Variants in TACC2 observed in about 807,000 individuals in gnomAD.
The protein encoded by TACC2 is transforming acidic coiled-coil-containing protein 2.
TACC2 carries 137 observed loss-of-function variants against 227.3 expected under a neutral mutation model. The ratio of observed to expected loss-of-function variants is 0.60; its 90% CI spans 0.52 to 0.69. The LOEUF is 0.69. Ranked by LOEUF, TACC2 falls within the 30% of genes least tolerant of loss-of-function variation. The probability of loss-of-function intolerance (pLI) is 0.00; values close to 1 mark genes in which losing one functional copy is unlikely to be tolerated. For missense variants in TACC2, 3,470 were observed against 3,694.4 expected (o/e 0.94, Z 1.57); for synonymous variants, 1,523 against 1,487.5 (o/e 1.02, Z -0.55).
intron 6 of TACC2, 118 bp from the exon 7 acceptor site, chr10:122,143,454 G>T (rs964141722): frequency 8.9e-7 from 1 of 1,127,546 alleles, no homozygotes; most frequent in South Asian, 1.5e-5. Flanking sequence ...AAGTGCTGGG[G>T]TTTAAAGAGT....
At chr10:122,041,949 T>A (rs904520499) in intron 2 of TACC2, among the ~76,000 whole-genome samples, 1 of 140,136 alleles carries the variant, frequency 7.1e-6, no homozygotes, top group African/African-American at 2.5e-5. Flanking sequence ...TCTTTTCTTT[T>A]TTCTTTTCTT....
chr10:122,112,844 C>T lies in TACC2; in HGVS notation c.5574-19765C>T, dbSNP rs537382803. 1.3e-3 allele frequency among the ~76,000 whole-genome samples: 202 copies of T among 152,200 alleles called. 1 individual carries two copies. Among genetic ancestry groups the T allele is most frequent in the Non-Finnish European group, 2.4e-3 (161 of 67,996 alleles). ...CGTCTCTCGCCTGCCGCTCTGCGGCCGCGGGCCCCTCGGTGCGTCTGGGCG... is the reference window on the plus strand; with the variant it reads ...CGTCTCTCGCCTGCCGCTCTGCGGCTGCGGGCCCCTCGGTGCGTCTGGGCG... On this transcript the variant is annotated intron_variant, in intron 5 of 22. Transcript: ENST00000369005.
chr10:122,088,245 C>A (rs1591848101), intron 4 of TACC2, among the ~76,000 whole-genome samples: 1 of 152,080 alleles, frequency 6.6e-6, no homozygotes, highest in Non-Finnish European at 1.5e-5. Context: ...TACTGGCTGG[C>A]TGTGTACTAT....
At chr10:122,052,988 C>T (rs1317535474) in intron 3 of TACC2, among the ~76,000 whole-genome samples, 2 of 152,204 alleles carry the variant, frequency 1.3e-5, no homozygotes, top group Non-Finnish European at 2.9e-5. Context: ...GGGTTCCAGA[C>T]ACTATGCCAA....
intron 21 of TACC2, among the ~76,000 whole-genome samples, 185 bp from the exon 22 acceptor site, chr10:122,249,358 GC>G (rs2096204455): frequency 1.3e-5 from 2 of 152,332 alleles, no homozygotes; most frequent in East Asian, 3.9e-4. Context: ...TGTCCAGGGT[GC>G]CCCGGCACCT....
chr10:121,999,506 C>T (rs1367397778), intron 1 of TACC2, among the ~76,000 whole-genome samples: 5 of 152,236 alleles, frequency 3.3e-5, no homozygotes, highest in African/African-American at 1.2e-4. Context: ...AAGCTCATCG[C>T]CACATGTGTT....
chr10:122,169,652 C>G (rs2093368455), intron 7 of TACC2, among the ~76,000 whole-genome samples: 1 of 152,194 alleles, frequency 6.6e-6, no homozygotes, highest in African/African-American at 2.4e-5. Flanking sequence ...TCTTTGTTTT[C>G]TGTTCTCTCT....
chr10:122,123,809 ATTTT>A lies in TACC2; in HGVS notation c.5574-8782_5574-8779del, dbSNP rs55702616. Among the ~76,000 whole-genome samples, 140 of 98,524 alleles carry A rather than the reference ATTTT, an allele frequency of 1.4e-3. 1 individual carries two copies. The highest frequency in any genetic ancestry group is 4.6e-3 in the African/African-American group (132 of 28,390). 64.6% of individuals were successfully genotyped at this position (98,524 alleles called of 152,430 possible). Reference sequence around the variant, plus strand: ...TCTTGAGTTGGGTTGCTGTAGAGTCATTTTTTTTTTTTTTTTTTTTTGAGGCGGA... The same window carrying A: ...TCTTGAGTTGGGTTGCTGTAGAGTCATTTTTTTTTTTTTTTTTGAGGCGGA... On this transcript the variant is annotated intron_variant, in intron 5 of 22. Transcript: ENST00000369005.
chr10:122,084,154 G>A lies in TACC2; in HGVS notation c.1654G>A (p.Gly552Arg). Residue 552 changes from glycine to arginine, a missense_variant, in exon 4 of 23, where the codon GGA (glycine) becomes AGA (arginine). Gly to Arg is a moderately radical substitution (Grantham distance 125). Around this residue, in one of 10 missense-constraint regions of TACC2, gnomAD observed 1,924 missense variants for 1,978.3 expected, o/e 0.97. Transcript: ENST00000369005. The part of the protein sequence containing the change: ...SARGPPGPTD[G>R]AKVHEDSTSP... ...CAGAGGGCCACCGGGGCCAACGGAT[G>A]GAGCCAAGGTCCATGAAGATTCCAC... 1.2e-6 allele frequency: 2 copies of A among 1,614,092 alleles called. No homozygotes were observed. The highest frequency in any genetic ancestry group is 2.2e-5 in the South Asian group (2 of 91,074).
chr10:121,998,773 G>A (rs760909957), intron 1 of TACC2, among the ~76,000 whole-genome samples: 11 of 152,238 alleles, frequency 7.2e-5, no homozygotes, highest in Middle Eastern at 3.4e-3. Context: ...CAGCCAAGCC[G>A]CTTACATCGG....
At position 122,143,524 on chromosome 10, in the gene TACC2, T is replaced by C. The variant is rs79781753; in HGVS notation, c.5700-48T>C. On this transcript the variant is annotated intron_variant, in intron 6 of 22. Transcript: ENST00000369005. ...TGAATGGGGCCTGATGAATGTGCCA[T>C]TAATGAGCCCAGCACCATGTGGAAT... is the stretch of plus-strand genomic sequence containing the variant. 1,039 of 1,591,350 alleles carry C rather than the reference T, an allele frequency of 6.5e-4. 14 individuals are homozygous for C. The East Asian group carries it at 0.02, about 31-fold the overall frequency.
At chr10:122,018,819 C>T (rs1234461336) in intron 1 of TACC2, among the ~76,000 whole-genome samples, 1 of 152,164 alleles carries the variant, frequency 6.6e-6, no homozygotes. Flanking sequence ...TCTGTTCCAA[C>T]CAGAAGCGGG....
intron 11 of TACC2, among the ~76,000 whole-genome samples, chr10:122,219,561 C>A (rs192240560): frequency 1.3e-3 from 199 of 152,294 alleles, no homozygotes; most frequent in African/African-American, 4.4e-3. Context: ...TTTGATCCTG[C>A]AGTGGGCATC....
chr10:122,168,577 C>T (rs1156362647), intron 7 of TACC2, among the ~76,000 whole-genome samples: 3 of 152,124 alleles, frequency 2.0e-5, no homozygotes, highest in African/African-American at 2.4e-5. Flanking sequence ...AAATATATTC[C>T]GAGGTCCTCC....
chr10:122,211,164 C>T lies in TACC2; in HGVS notation c.6739C>T (p.Pro2247Ser). The change falls in exon 9 of 23, where the codon CCA becomes TCA. Residue 2247 changes from proline to serine, a missense_variant. Around this residue, in one of 10 missense-constraint regions of TACC2, gnomAD observed 593 missense variants for 636.6 expected, o/e 0.93. Transcript: ENST00000369005. ...TTAPEAGEVTPSDSGGQEDSP... is the reference protein window; with the variant it reads ...TTAPEAGEVTSSDSGGQEDSP... ...GGCCCCGGAGGCAGGGGAGGTAACC[C>T]CATCGGATAGCGGGGGGCAAGAGGA... The T allele has an allele frequency of 6.2e-7, 1 of 1,611,880 alleles. No individual in the cohort carries two copies. Among genetic ancestry groups the T allele is most frequent in the Non-Finnish European group, 8.5e-7 (1 of 1,178,910 alleles).
At chr10:122,032,993 C>T in intron 2 of TACC2, 8 of 683,774 alleles carry the variant, frequency 1.2e-5, no homozygotes, top group Non-Finnish European at 1.5e-5. Context: ...ACAACAACAA[C>T]AACAACAAAA....
At chr10:122,023,071 C>G (rs528606900) in intron 2 of TACC2, 5 of 151,754 alleles carry the variant, frequency 3.3e-5, no homozygotes, top group Non-Finnish European at 7.4e-5. Context: ...TTGACAGAGT[C>G]TCTCTCTGTC....
chr10:122,163,886 C>T (rs546503601), intron 7 of TACC2: 1 of 1,546,136 alleles, frequency 6.5e-7, no homozygotes, highest in South Asian at 1.2e-5. Flanking sequence ...GGACGCTGGC[C>T]CCGCTCGCGG....
chr10:122,176,079 CTCTCTCTCT>C (rs2140166690), intron 7 of TACC2, among the ~76,000 whole-genome samples: 1 of 70,236 alleles, frequency 1.4e-5, no homozygotes, highest in Admixed American at 1.7e-4. Flanking sequence ...AACCTTCTCT[CTCTCTCTCT>C]CTCTCTCTCT....
Sources: gnomAD v4.1 joint callset for allele counts (sites outside exome capture counted in the v4.1 genomes callset) on GRCh38, gnomAD v4.1.1 for gene constraint, gnomAD v4.1.1 regional missense constraint, MANE v1.5 for transcripts, NCBI Gene and HGNC (gene_info 2026-07-23, HGNC 2026-07-21) for gene names.